Variants in THADA observed in about 807,000 individuals in gnomAD.
The protein encoded by THADA is THADA armadillo repeat containing.
THADA carries 213 observed loss-of-function variants against 219.8 expected under a neutral mutation model. The observed-to-expected ratio is 0.97, with a 90% CI of 0.87 to 1.09. The LOEUF (loss-of-function observed/expected upper bound fraction) is 1.09, where lower values mean the gene tolerates loss of function less well. THADA is among the 50% of genes least tolerant of loss of function. THADA has a pLI of 0.00. For synonymous variants in THADA, 1,018 were observed against 828.9 expected, an observed-to-expected ratio of 1.23 and a Z score of -3.92; for missense variants, 2,956 against 2,311.3, an observed-to-expected ratio of 1.28 and a Z score of -5.72.
chr2:43,416,441 T>C (rs1161413816), intron 28 of THADA, among the ~76,000 whole-genome samples: 1 of 152,242 alleles, frequency 6.6e-6, no homozygotes, highest in Non-Finnish European at 1.5e-5. Flanking sequence ...ATATATATTT[T>C]GTTAATGCTC....
At chr2:43,577,506 C>T (rs1006293976) in intron 9 of THADA, among the ~76,000 whole-genome samples, 6 of 145,486 alleles carry the variant, frequency 4.1e-5, no homozygotes, top group South Asian at 2.1e-4. Flanking sequence ...AGCTTAACAA[C>T]TGCTTTTTTT....
At chr2:43,466,400 C>A (rs990908680) in intron 26 of THADA, among the ~76,000 whole-genome samples, 1 of 152,100 alleles carries the variant, frequency 6.6e-6, no homozygotes, top group Non-Finnish European at 1.5e-5. Flanking sequence ...AAGCTCAGGC[C>A]CTGACTCTTA....
chr2:43,567,347 G>A (rs1438569949), intron 14 of THADA, among the ~76,000 whole-genome samples: 3 of 152,036 alleles, frequency 2.0e-5, no homozygotes, highest in Admixed American at 2.0e-4. Context: ...AACACAACAA[G>A]GGCCAGGCGT....
At chr2:43,488,421 G>C (rs1426708690) in intron 25 of THADA, among the ~76,000 whole-genome samples, 1 of 152,036 alleles carries the variant, frequency 6.6e-6, no homozygotes, top group Admixed American at 6.6e-5. Flanking sequence ...ATATACATGG[G>C]ATCATGTAGT....
intron 31 of THADA, among the ~76,000 whole-genome samples, chr2:43,311,699 G>GACCAAC (rs1356570542): frequency 3.9e-5 from 6 of 152,280 alleles, no homozygotes; most frequent in East Asian, 3.9e-4. Context: ...AGAACAAAAT[G>GACCAAC]ACCAACATGG....
intron 35 of THADA, among the ~76,000 whole-genome samples, chr2:43,281,926 C>T (rs1306506174): frequency 6.6e-6 from 1 of 152,144 alleles, no homozygotes; most frequent in Non-Finnish European, 1.5e-5. Context: ...TACACCACCA[C>T]ATCTGGCTAA....
At chr2:43,439,927 A>C (rs1012631251) in intron 26 of THADA, among the ~76,000 whole-genome samples, 1 of 152,202 alleles carries the variant, frequency 6.6e-6, no homozygotes, top group African/African-American at 2.4e-5. Flanking sequence ...GTCTTTTAAA[A>C]AAAGAAATCC....
chr2:43,514,518 A>G (rs1300733874), intron 22 of THADA, among the ~76,000 whole-genome samples: 2 of 136,830 alleles, frequency 1.5e-5, no homozygotes, highest in African/African-American at 5.5e-5. Context: ...TATATATAAT[A>G]TATAATATAC....
chr2:43,272,690 T>A (rs999369196), intron 36 of THADA, among the ~76,000 whole-genome samples: 2 of 149,126 alleles, frequency 1.3e-5, no homozygotes, highest in Non-Finnish European at 3.0e-5. Flanking sequence ...AGTAGCATGA[T>A]CATGGCTCAT....
chr2:43,509,536 T>C (rs959958061), intron 22 of THADA, among the ~76,000 whole-genome samples: 2 of 152,180 alleles, frequency 1.3e-5, no homozygotes, highest in Non-Finnish European at 2.9e-5. Context: ...AATTTACAGA[T>C]AAAGTCCAAA....
At chr2:43,448,887 C>T (rs1681941481) in intron 26 of THADA, among the ~76,000 whole-genome samples, 1 of 151,956 alleles carries the variant, frequency 6.6e-6, no homozygotes, top group Admixed American at 6.6e-5. Context: ...CATCCTGTTT[C>T]CAACAACAAC....
At chr2:43,521,403 A>G (rs1046104518) in intron 22 of THADA, among the ~76,000 whole-genome samples, 22 of 152,152 alleles carry the variant, frequency 1.4e-4, no homozygotes, top group Admixed American at 4.6e-4. Flanking sequence ...AAAATACAAA[A>G]AAATTAGCCT....
At chr2:43,319,722 A>T (rs1489108589) in intron 31 of THADA, among the ~76,000 whole-genome samples, 1 of 152,176 alleles carries the variant, frequency 6.6e-6, no homozygotes, top group Non-Finnish European at 1.5e-5. Flanking sequence ...AGGCCTAATC[A>T]ATTAGAAGAG....
chr2:43,432,616 T>C (rs1679512871), intron 26 of THADA, among the ~76,000 whole-genome samples: 2 of 152,294 alleles, frequency 1.3e-5, no homozygotes, highest in East Asian at 1.9e-4. Flanking sequence ...GAAATAATTA[T>C]ACCATTTTAC....
chr2:43,541,207 G>A lies in THADA; in HGVS notation c.3216C>T (p.Pro1072=). ...LLLGMLCQLL[P]MQPVPESSDG... ...CAGAAGATTCTGGCACAGGCTGCAT[G>A]GGCAGAAGCTGGCACAACATGCCTA... Residue 1072 remains proline (P), a synonymous_variant, in exon 21 of 38, where the codon CCC becomes CCT. Coordinates refer to ENST00000405975, the MANE Select transcript of THADA (RefSeq NM_022065.5). The A allele has an allele frequency of 1.2e-6, 2 of 1,608,680 alleles. No homozygotes were observed. Among genetic ancestry groups the A allele is most frequent in the Non-Finnish European group, 1.7e-6 (2 of 1,178,012 alleles).
At chr2:43,404,946 G>T (rs1355869533) in intron 28 of THADA, among the ~76,000 whole-genome samples, 3 of 152,182 alleles carry the variant, frequency 2.0e-5, no homozygotes, top group African/African-American at 4.8e-5. Flanking sequence ...GGAATAATTT[G>T]AAAATAAAAC....
At chr2:43,508,529 C>G in intron 23 of THADA, 119 bp downstream of exon 23, 2 of 1,002,266 alleles carry the variant, frequency 2.0e-6, no homozygotes. Context: ...TGCTATGGTG[C>G]TGAAAAGACA....
chr2:43,302,960 T>TA (rs148840929), intron 31 of THADA, among the ~76,000 whole-genome samples: 2,045 of 147,414 alleles, frequency 0.014, 33 homozygotes, highest in African/African-American at 0.044. Flanking sequence ...TAAAAAAAAC[T>TA]AAAAAAAAAA....
chr2:43,467,099 G>A (rs969179307), intron 26 of THADA, among the ~76,000 whole-genome samples: 15 of 145,976 alleles, frequency 1.0e-4, no homozygotes, highest in African/African-American at 3.7e-4. Context: ...GGAGAATGGC[G>A]TGAACCCGGG....
Sources: gnomAD v4.1 joint callset for allele counts (sites outside exome capture counted in the v4.1 genomes callset) on GRCh38, gnomAD v4.1.1 for gene constraint, MANE v1.5 for transcripts, NCBI Gene and HGNC (gene_info 2026-07-23, HGNC 2026-07-21) for gene names.